Variants in SEMA6A observed in about 807,000 individuals in gnomAD.
SEMA6A encodes semaphorin 6A, also known as semaphorin-6A.
SEMA6A carries 25 observed loss-of-function variants against 96.8 expected under a neutral mutation model. That is an observed-to-expected ratio of 0.26 (90% CI 0.19 to 0.36). SEMA6A has a LOEUF of 0.36. Ranked by LOEUF, SEMA6A falls within the 10% of genes least tolerant of loss-of-function variation. The probability of loss-of-function intolerance (pLI) is 1.00; values close to 1 mark genes in which losing one functional copy is unlikely to be tolerated. For synonymous variants in SEMA6A, 612 were observed against 518.0 expected (o/e 1.18, Z -2.46); for missense variants, 1,363 against 1,323.1 (o/e 1.03, Z -0.47).
chr5:116,501,436 T>C (rs1182311143), intron 3 of SEMA6A, among the ~76,000 whole-genome samples: 1 of 152,174 alleles, frequency 6.6e-6, no homozygotes, highest in African/African-American at 2.4e-5. Context: ...TTCTGAAATA[T>C]ATATAATGCT....
At chr5:116,559,557 G>C (rs1041818794) in intron 1 of SEMA6A, among the ~76,000 whole-genome samples, 11 of 152,158 alleles carry the variant, frequency 7.2e-5, no homozygotes, top group African/African-American at 2.7e-4. Context: ...ACACCGCCTT[G>C]TGTTGTTTGT....
At position 116,478,076 on chromosome 5, in the gene SEMA6A, C is replaced by G. The variant is rs749668504; in HGVS notation, c.1506G>C (p.Ala502=). Residue 502 remains alanine, a synonymous_variant, in exon 14 of 19, where the codon GCG becomes GCC. Transcript: ENST00000343348. ...GAACCTTTATCACACAGGTAGAGAACGCAACATACAGAGAGCTGCTTGCTC... is the reference window on the plus strand; with the variant it reads ...GAACCTTTATCACACAGGTAGAGAAGGCAACATACAGAGAGCTGCTTGCTC... ...LDRASSSLYV[A]FSTCVIKVPL... The G allele has an allele frequency of 6.2e-7, 1 of 1,613,824 alleles. No individual in the cohort carries two copies. Among genetic ancestry groups the G allele is most frequent in the East Asian group, 2.2e-5 (1 of 44,884 alleles).
At chr5:116,528,024 A>G (rs1275758811) in intron 1 of SEMA6A, among the ~76,000 whole-genome samples, 1 of 152,206 alleles carries the variant, frequency 6.6e-6, no homozygotes, top group Admixed American at 6.5e-5. Context: ...AGTTGCAGAT[A>G]CAATTTCCTG....
chr5:116,542,908 A>C (rs1212646292), intron 1 of SEMA6A, among the ~76,000 whole-genome samples: 1 of 152,180 alleles, frequency 6.6e-6, no homozygotes, highest in Non-Finnish European at 1.5e-5. Flanking sequence ...GCAGCACTTG[A>C]ACCCTTTCTC....
intron 1 of SEMA6A, among the ~76,000 whole-genome samples, chr5:116,563,477 T>A (rs1251588217): frequency 2.0e-5 from 3 of 152,206 alleles, no homozygotes; most frequent in Admixed American, 2.0e-4. Flanking sequence ...AGCAAGTTCA[T>A]GTCACTACTG....
rs1365786011 is a variant in SEMA6A at position 116,495,455 on chromosome 5, G to A, written c.402C>T (p.Val134=). 5.0e-6 allele frequency: 8 copies of A among 1,610,760 alleles called. No individual in the cohort carries two copies. Among genetic ancestry groups the A allele is most frequent in the Non-Finnish European group, 5.1e-6 (6 of 1,178,458 alleles). Residue 134 remains valine (V), a synonymous_variant, in exon 6 of 19, where the codon GTC becomes GTT. Coordinates refer to ENST00000343348, the MANE Select transcript of SEMA6A (RefSeq NM_020796.5). ...LLKKNDDALF[V]CGTNAFNPSC... is the part of the protein sequence containing the mutation. ...AAGGGTTGAAGGCATTAGTTCCACAGACAAACAATGCATCATCGTTTTTCT... is the reference window on the plus strand; with the variant it reads ...AAGGGTTGAAGGCATTAGTTCCACAAACAAACAATGCATCATCGTTTTTCT...
At position 116,502,231 on chromosome 5, in the gene SEMA6A, C is replaced by G. The variant is rs770354286; in HGVS notation, c.197G>C (p.Gly66Ala). 11 of 1,613,916 alleles carry G rather than the reference C, an allele frequency of 6.8e-6. No homozygotes were observed. The highest frequency in any genetic ancestry group is 8.5e-6 in the Non-Finnish European group (10 of 1,179,830). ...TTACCTAGCAGCAATGTAGAGGGTTCCGTTCATGATCATAATCATCTGGAT... is the reference window on the plus strand; with the variant it reads ...TTACCTAGCAGCAATGTAGAGGGTTGCGTTCATGATCATAATCATCTGGAT... ...LDIQMIMIMN[G>A]TLYIAARDHI... The change falls in exon 3 of 19, where the codon GGA becomes GCA. Residue 66 changes from glycine (G) to alanine (A), a missense_variant. Transcript: ENST00000343348.
At chr5:116,571,498 T>C (rs1369901464) in intron 1 of SEMA6A, among the ~76,000 whole-genome samples, 1 of 152,216 alleles carries the variant, frequency 6.6e-6, no homozygotes. Flanking sequence ...AAAAGTAAGA[T>C]TTTAAATTTG....
At chr5:116,500,016 C>T (rs1170476632) in intron 3 of SEMA6A, among the ~76,000 whole-genome samples, 1 of 152,186 alleles carries the variant, frequency 6.6e-6, no homozygotes, top group Non-Finnish European at 1.5e-5. Context: ...CTCACAGATT[C>T]AATGTTTTAT....
intron 1 of SEMA6A, among the ~76,000 whole-genome samples, chr5:116,548,889 C>T (rs1029573474): frequency 2.0e-5 from 3 of 152,214 alleles, no homozygotes; most frequent in Non-Finnish European, 4.4e-5. Flanking sequence ...GCCTGGCCTT[C>T]TCTATCTGCA....
At chr5:116,520,461 A>T (rs1206988839) in intron 1 of SEMA6A, among the ~76,000 whole-genome samples, 1 of 152,192 alleles carries the variant, frequency 6.6e-6, no homozygotes, top group Admixed American at 6.5e-5. Context: ...TTCATTAAAT[A>T]GTGAATGAAG....
intron 1 of SEMA6A, among the ~76,000 whole-genome samples, chr5:116,566,051 C>T (rs1407077161): frequency 1.3e-5 from 2 of 152,194 alleles, no homozygotes; most frequent in African/African-American, 4.8e-5. Flanking sequence ...GTAAAACCCT[C>T]ATAGAACATT....
intron 17 of SEMA6A, chr5:116,472,863 A>AG: frequency 6.7e-7 from 1 of 1,483,384 alleles, no homozygotes; most frequent in African/African-American, 1.4e-5. Flanking sequence ...TTTAAAAAAA[A>AG]AAAAAAAATC....
At chr5:116,502,426 GTT>G in intron 2 of SEMA6A, 99 bp from the exon 3 acceptor site, 1 of 909,462 alleles carries the variant, frequency 1.1e-6, no homozygotes, top group Non-Finnish European at 1.8e-6. Context: ...AGAAACCCGT[GTT>G]TAAGTCAGAC....
Position 116,443,997 on chromosome 5 carries a change from C to G in SEMA6A, c.*2616G>C, listed in dbSNP as rs1754039865. 6.6e-6 allele frequency: 1 copy of G among 152,144 alleles called. No individual in the cohort carries two copies. The allele number at this position is 152,144 out of a possible 1,614,324, so 9.4% of individuals were successfully genotyped here. A position where few individuals can be genotyped will look rare whatever the true frequency, so the allele number is the denominator to read the frequency against. ...TTAACAGCTGAGGCAGTGATGCCTA[C>G]AAACACTGGACAAGACAGCCGCTTA... On this transcript the variant is annotated 3_prime_UTR_variant, in exon 19 of 19. Coordinates refer to ENST00000343348, the MANE Select transcript of SEMA6A (RefSeq NM_020796.5).
intron 3 of SEMA6A, among the ~76,000 whole-genome samples, chr5:116,501,947 T>C (rs1298350943): frequency 3.3e-5 from 5 of 152,198 alleles, no homozygotes; most frequent in African/African-American, 1.2e-4. Context: ...TGAATAAATA[T>C]TTGCATATAT....
At chr5:116,467,931 A>G in intron 17 of SEMA6A, 184 bp from the exon 18 acceptor site, 3 of 609,978 alleles carry the variant, frequency 4.9e-6, no homozygotes, top group South Asian at 2.0e-5. Context: ...TGTGTTCAGC[A>G]GAAAGCCCAT....
intron 18 of SEMA6A, among the ~76,000 whole-genome samples, chr5:116,461,904 G>C (rs774485900): frequency 1.3e-5 from 2 of 152,146 alleles, no homozygotes; most frequent in Non-Finnish European, 2.9e-5. Context: ...CACAGAGCCA[G>C]TGATAAATTC....
intron 1 of SEMA6A, among the ~76,000 whole-genome samples, chr5:116,529,475 C>T (rs1025172298): frequency 2.6e-5 from 4 of 152,004 alleles, no homozygotes; most frequent in African/African-American, 9.7e-5. Context: ...GATCCTTACA[C>T]GTTGTATACA....
Sources: allele counts gnomAD v4.1 joint callset (sites outside exome capture counted in the v4.1 genomes callset), GRCh38; gene constraint gnomAD v4.1.1; transcripts MANE v1.5; gene names NCBI Gene and HGNC (gene_info 2026-07-23, HGNC 2026-07-21).